SLC28A1: variants seen among roughly 807,000 people sequenced by gnomAD.
SLC28A1 encodes sodium/nucleoside cotransporter 1.
In SLC28A1, 64 loss-of-function variants were observed where a neutral mutation model predicts 74.8. The ratio of observed to expected loss-of-function variants is 0.86; its 90% confidence interval spans 0.70 to 1.05. SLC28A1 has a LOEUF of 1.05. SLC28A1 is among the 50% of genes least tolerant of loss of function. The probability of loss-of-function intolerance (pLI) is 0.00; values close to 1 mark genes in which losing one functional copy is unlikely to be tolerated. For missense variants in SLC28A1, 828 were observed against 822.8 expected (o/e 1.01, Z -0.08); for synonymous variants, 359 against 335.0 (o/e 1.07, Z -0.78).
At position 84,887,794 on chromosome 15, in the gene SLC28A1, ATC is replaced by A. The variant is rs772309332; in HGVS notation, c.41_42del (p.Leu14HisfsTer13). ...ENDPSRRRES[I>X]SLTPVAKGLE... ...CGACCCCTCGAGACGAAGAGAGTCC[ATC>A]TCTCTCACACCTGTGGCCAAGGGTC... On this transcript the variant is annotated frameshift_variant, in exon 3 of 19. Coordinates refer to ENST00000394573, the MANE Select transcript of SLC28A1 (RefSeq NM_004213.5). LOFTEE classifies it high-confidence loss of function. 6.2e-7 allele frequency: 1 copy of A among 1,614,040 alleles called. No homozygotes were observed.
At chr15:84,973,798 A>G in the SLC28A1 span, among the ~76,000 whole-genome samples, 200 of 152,310 alleles carry the variant, frequency 1.3e-3, no homozygotes, top group Non-Finnish European at 2.4e-3. Flanking sequence ...TCAGTGATGA[A>G]AAAGGCATTC....
At chr15:84,927,777 ACTT>A (rs1245546514) in intron 12 of SLC28A1, among the ~76,000 whole-genome samples, 2 of 152,054 alleles carry the variant, frequency 1.3e-5, no homozygotes, top group African/African-American at 4.8e-5. Flanking sequence ...GGACAGAAAA[ACTT>A]CTTCTGAGGC....
chr15:84,918,556 C>T lies in SLC28A1; in HGVS notation c.828C>T (p.Val276=), dbSNP rs200365277. 3.5e-5 allele frequency: 57 copies of T among 1,613,982 alleles called. No homozygotes were observed. In the Admixed American group the frequency reaches 8.8e-4, roughly 25 times the overall value. ...CCATCATTGTCTTTTTCAGCTGTGT[C>T]ATATCCGTTCTCTACCACGTGGGCC... ...VLPIIVFFSC[V]ISVLYHVGLM... The change falls in exon 10 of 19, where the codon GTC becomes GTT. Residue 276 remains valine, a synonymous_variant. Transcript: ENST00000394573.
chr15:84,899,916 AGG>A (rs1292368951), intron 6 of SLC28A1, among the ~76,000 whole-genome samples: 16 of 143,544 alleles, frequency 1.1e-4, no homozygotes, highest in Non-Finnish European at 2.1e-4. Context: ...AAAGAGAAAG[AGG>A]GAAAGAGGGA....
At chr15:84,922,745 G>T (rs1024266006) in intron 11 of SLC28A1, among the ~76,000 whole-genome samples, 1 of 152,150 alleles carries the variant, frequency 6.6e-6, no homozygotes, top group Non-Finnish European at 1.5e-5. Context: ...CGGCTCCCCC[G>T]CGCCCATCTG....
intron 12 of SLC28A1, among the ~76,000 whole-genome samples, chr15:84,930,988 G>T (rs545673655): frequency 6.6e-6 from 1 of 152,026 alleles, no homozygotes; most frequent in Non-Finnish European, 1.5e-5. Flanking sequence ...GGCCAGACTG[G>T]TCTCGAACTC....
intron 8 of SLC28A1, 75 bp from the exon 9 acceptor site, chr15:84,908,643 T>C (rs984184795): frequency 3.8e-6 from 5 of 1,306,698 alleles, no homozygotes; most frequent in Non-Finnish European, 5.5e-6. Context: ...CCCGCCTGTC[T>C]CTGGCCGCTG....
downstream of SLC28A1, among the ~76,000 whole-genome samples, chr15:84,946,112 ATTTTTT>A (rs1165709632): frequency 3.0e-4 from 4 of 13,474 alleles, no homozygotes; most frequent in African/African-American, 1.3e-3. Context: ...ATATATATAT[ATTTTTT>A]TTTTTTTTTT....
At chr15:84,931,093 A>G (rs1429189336) in intron 12 of SLC28A1, among the ~76,000 whole-genome samples, 1 of 151,526 alleles carries the variant, frequency 6.6e-6, no homozygotes, top group Non-Finnish European at 1.5e-5. Flanking sequence ...CTTAGTAGAG[A>G]TGGGGTTTCA....
At chr15:84,890,636 G>T (rs1965268150) in intron 5 of SLC28A1, 102 bp downstream of exon 5, 2 of 973,304 alleles carry the variant, frequency 2.1e-6, no homozygotes, top group South Asian at 2.8e-5. Context: ...TCAACAAATG[G>T]TTGTTGAGCA....
the SLC28A1 span, among the ~76,000 whole-genome samples, chr15:84,956,453 T>TCC: frequency 1.3e-5 from 1 of 77,014 alleles, no homozygotes; most frequent in African/African-American, 4.9e-5. Flanking sequence ...CTTTCTTTCT[T>TCC]TCTTTCTTTC....
intron 15 of SLC28A1, among the ~76,000 whole-genome samples, chr15:84,942,209 C>T (rs1410743525): frequency 6.6e-6 from 1 of 152,124 alleles, no homozygotes; most frequent in African/African-American, 2.4e-5. Context: ...TTGATACTGG[C>T]ATGCAATGTG....
intron 5 of SLC28A1, 113 bp downstream of exon 5, chr15:84,890,647 C>G (rs1965269823): frequency 2.3e-6 from 2 of 884,830 alleles, no homozygotes; most frequent in Non-Finnish European, 3.6e-6. Context: ...TTGTTGAGCA[C>G]CAACTCAGGT....
chr15:84,973,081 T>C, the SLC28A1 span, among the ~76,000 whole-genome samples: 1 of 152,158 alleles, frequency 6.6e-6, no homozygotes, highest in African/African-American at 2.4e-5. Context: ...CTTTATGCCT[T>C]GTCCACCTCT....
At chr15:84,922,223 A>T (rs979194150) in intron 11 of SLC28A1, among the ~76,000 whole-genome samples, 9 of 152,134 alleles carry the variant, frequency 5.9e-5, no homozygotes, top group African/African-American at 2.2e-4. Flanking sequence ...CCTGCTCTGC[A>T]GTCCTGATCT....
chr15:84,925,069 T>G, intron 12 of SLC28A1, among the ~76,000 whole-genome samples: 2 of 122,960 alleles, frequency 1.6e-5, no homozygotes, highest in East Asian at 4.8e-4. Context: ...CCCAGCTAGT[T>G]TTTTTTTTTT....
chr15:84,971,776 A>G, the SLC28A1 span, among the ~76,000 whole-genome samples: 1 of 151,980 alleles, frequency 6.6e-6, no homozygotes, highest in African/African-American at 2.4e-5. Context: ...CAGCCCCTCA[A>G]GTAGCTGGGA....
At chr15:84,921,493 T>A (rs1477586824) in intron 11 of SLC28A1, among the ~76,000 whole-genome samples, 1 of 152,200 alleles carries the variant, frequency 6.6e-6, no homozygotes, top group Admixed American at 6.5e-5. Flanking sequence ...TTTCTCCCTC[T>A]TTCTTAAAAT....
intron 6 of SLC28A1, chr15:84,895,872 G>T: frequency 1.0e-6 from 1 of 986,096 alleles, no homozygotes; most frequent in African/African-American, 2.1e-5. Flanking sequence ...GACTAAGTCA[G>T]GGGGATGCAG....
Sources: allele counts gnomAD v4.1 joint callset (sites outside exome capture counted in the v4.1 genomes callset), GRCh38; gene constraint gnomAD v4.1.1; transcripts MANE v1.5; gene names NCBI Gene and HGNC (gene_info 2026-07-23, HGNC 2026-07-21).